The following UNC5D variants were observed in gnomAD, a reference collection of about 807,000 sequenced individuals.
UNC5D encodes the protein netrin receptor UNC5D.
In UNC5D, 39 loss-of-function variants were observed where a neutral mutation model predicts 105.4. That is an observed-to-expected ratio of 0.37 (90% confidence interval 0.29 to 0.48). The LOEUF is 0.48. Ranked by LOEUF, UNC5D falls within the 20% of genes least tolerant of loss-of-function variation. UNC5D has a pLI of 0.98. For missense variants in UNC5D, 991 were observed against 1,202.4 expected, an observed-to-expected ratio of 0.82 and a Z score of 2.60; for synonymous variants, 452 against 450.4, an observed-to-expected ratio of 1.00 and a Z score of -0.04.
chr8:35,543,982 GA>G (rs992168266), intron 1 of UNC5D, among the ~76,000 whole-genome samples: 4 of 152,118 alleles, frequency 2.6e-5, no homozygotes, highest in Non-Finnish European at 5.9e-5. Flanking sequence ...CCATTCCTCT[GA>G]AACAAAATGG....
intron 7 of UNC5D, among the ~76,000 whole-genome samples, chr8:35,695,998 G>T (rs934352412): frequency 3.9e-5 from 6 of 152,042 alleles, no homozygotes; most frequent in African/African-American, 1.2e-4. Context: ...ACCTCCCAAA[G>T]TGCTGGGATT....
intron 1 of UNC5D, among the ~76,000 whole-genome samples, chr8:35,433,185 G>T (rs918345659): frequency 6.6e-6 from 1 of 152,076 alleles, no homozygotes; most frequent in African/African-American, 2.4e-5. Context: ...TGTCTAAAAA[G>T]AACAAGAATC....
chr8:35,251,480 G>A (rs544412025), intron 1 of UNC5D, among the ~76,000 whole-genome samples: 4 of 152,220 alleles, frequency 2.6e-5, no homozygotes, highest in South Asian at 2.1e-4. Flanking sequence ...CAGACAAACC[G>A]TATCACATCC....
chr8:35,461,238 T>C (rs182211591), intron 1 of UNC5D, among the ~76,000 whole-genome samples: 12 of 152,260 alleles, frequency 7.9e-5, no homozygotes, highest in Admixed American at 7.2e-4. Flanking sequence ...TTTGATGAAG[T>C]TTATTTGTTG....
chr8:35,527,253 T>G (rs2130504230), intron 1 of UNC5D, among the ~76,000 whole-genome samples: 1 of 152,272 alleles, frequency 6.6e-6, no homozygotes, highest in East Asian at 1.9e-4. Flanking sequence ...GGGATTGTTT[T>G]TATTTGAATT....
intron 7 of UNC5D, among the ~76,000 whole-genome samples, chr8:35,692,670 C>T (rs1024999592): frequency 6.6e-6 from 1 of 152,226 alleles, no homozygotes; most frequent in Non-Finnish European, 1.5e-5. Context: ...ACCAGCCACA[C>T]TGCACAATTG....
At chr8:35,415,779 C>T (rs1805488849) in intron 1 of UNC5D, among the ~76,000 whole-genome samples, 1 of 152,128 alleles carries the variant, frequency 6.6e-6, no homozygotes, top group South Asian at 2.1e-4. Context: ...CATGACTTTT[C>T]CCCTCTCTGC....
At chr8:35,599,449 A>G (rs1455517518) in intron 4 of UNC5D, among the ~76,000 whole-genome samples, 1 of 152,190 alleles carries the variant, frequency 6.6e-6, no homozygotes, top group African/African-American at 2.4e-5. Flanking sequence ...CAGTACACAC[A>G]TATTTCAAAA....
At chr8:35,731,200 A>G in intron 11 of UNC5D, 104 bp downstream of exon 11, 1 of 1,085,910 alleles carries the variant, frequency 9.2e-7, no homozygotes, top group Admixed American at 2.0e-5. Flanking sequence ...GGAGTTCGAG[A>G]CCAGCCTGGC....
chr8:35,728,043 C>T (rs192074398), intron 10 of UNC5D, among the ~76,000 whole-genome samples: 113 of 112,800 alleles, frequency 1.0e-3, no homozygotes, highest in South Asian at 8.5e-4. Context: ...TCGAGACCAG[C>T]GAGGGCAACA....
Position 35,339,560 on chromosome 8 carries a change from A to T in UNC5D, c.103+103673A>T, listed in dbSNP as rs192990940. On this transcript the variant is annotated intron_variant, in intron 1 of 16. Coordinates refer to ENST00000404895, the MANE Select transcript of UNC5D (RefSeq NM_080872.4). ...TTCAGGAATTAAAAATAGAATATAC[A>T]GAGGCGTGGAAACACGGATGTGTGT... Among the ~76,000 whole-genome samples, 8 of 152,382 alleles carry T rather than the reference A, an allele frequency of 5.2e-5. No homozygotes were observed. In the East Asian group the frequency reaches 1.5e-3, roughly 29 times the overall value.
intron 1 of UNC5D, among the ~76,000 whole-genome samples, chr8:35,471,435 T>G (rs974164449): frequency 3.3e-5 from 5 of 152,170 alleles, no homozygotes; most frequent in African/African-American, 1.2e-4. Context: ...CAGTGAGGTT[T>G]TTTTAATAAT....
At chr8:35,525,375 T>C in intron 1 of UNC5D, 1 of 1,612,224 alleles carries the variant, frequency 6.2e-7, no homozygotes, top group South Asian at 1.1e-5. Flanking sequence ...GTTTTTTTCT[T>C]GCCATTTACA....
Position 35,748,433 on chromosome 8 carries a change from C to A in UNC5D, c.1767-94C>A, listed in dbSNP as rs1177358179. On this transcript the variant is annotated intron_variant, in intron 11 of 16. Transcript: ENST00000404895. ...ATCCTGGAAAGGAATATTTATAAGC[C>A]TGAAGAAAACCCCAGTCTGTTAACC... 4 of 1,326,534 alleles carry A rather than the reference C, an allele frequency of 3.0e-6. No individual in the cohort carries two copies. In the African/African-American group the frequency reaches 4.5e-5, roughly 15 times the overall value. 82.2% of individuals were successfully genotyped at this position (1,326,534 alleles called of 1,614,324 possible). A position where few individuals can be genotyped will look rare whatever the true frequency, so the allele number is the denominator to read the frequency against.
chr8:35,610,480 A>T (rs371281881), intron 4 of UNC5D, among the ~76,000 whole-genome samples: 1 of 152,286 alleles, frequency 6.6e-6, no homozygotes, highest in Non-Finnish European at 1.5e-5. Flanking sequence ...TAAAACTAAG[A>T]ACAGAGCACT....
chr8:35,712,242 G>T (rs1828009665), intron 8 of UNC5D, among the ~76,000 whole-genome samples: 1 of 152,218 alleles, frequency 6.6e-6, no homozygotes, highest in Admixed American at 6.5e-5. Context: ...CTGTACTCCA[G>T]CCTGGACGAC....
At chr8:35,734,112 A>T (rs542875727) in intron 11 of UNC5D, among the ~76,000 whole-genome samples, 1 of 152,124 alleles carries the variant, frequency 6.6e-6, no homozygotes, top group South Asian at 2.1e-4. Flanking sequence ...CATTTATAAC[A>T]TAGAAGATAT....
intron 1 of UNC5D, among the ~76,000 whole-genome samples, chr8:35,483,701 G>A (rs1810643661): frequency 1.3e-5 from 2 of 152,278 alleles, no homozygotes; most frequent in Non-Finnish European, 1.5e-5. Context: ...TAAGTGTCAA[G>A]GCACAAAGGA....
chr8:35,476,728 A>T (rs1230798742), intron 1 of UNC5D, among the ~76,000 whole-genome samples: 1 of 152,158 alleles, frequency 6.6e-6, no homozygotes, highest in Non-Finnish European at 1.5e-5. Flanking sequence ...CCTCTCCTGA[A>T]AATTAAGGCA....
Sources: allele counts gnomAD v4.1 joint callset (sites outside exome capture counted in the v4.1 genomes callset), GRCh38; gene constraint gnomAD v4.1.1; transcripts MANE v1.5; gene names NCBI Gene and HGNC (gene_info 2026-07-23, HGNC 2026-07-21).